TRAPPC9: variants seen among roughly 807,000 people sequenced by gnomAD.
TRAPPC9 encodes the protein trafficking protein particle complex subunit 9, also known as IKK2 binding protein.
A neutral mutation model predicts 124.0 loss-of-function variants in TRAPPC9; 83 were observed. The observed-to-expected ratio is 0.67, with a 90% CI of 0.56 to 0.80. The LOEUF is 0.80. Among genes scored for constraint, TRAPPC9 ranks in the 30% least tolerant of loss-of-function variants. The pLI is 0.00. For synonymous variants in TRAPPC9, 638 were observed against 617.5 expected, an observed-to-expected ratio of 1.03 and a Z score of -0.49; for missense variants, 1,302 against 1,508.3, an observed-to-expected ratio of 0.86 and a Z score of 2.27.
chr8:139,947,868 CA>C (rs34765655), intron 19 of TRAPPC9, among the ~76,000 whole-genome samples: 20,532 of 58,536 alleles, frequency 0.35, 3,315 homozygotes, highest in Middle Eastern at 0.52. Context: ...AATTCCGTCT[CA>C]AAAAAAAAAA....
chr8:140,060,626 ACCCATCCCTG>A (rs1473111154), intron 17 of TRAPPC9, among the ~76,000 whole-genome samples: 2 of 116,558 alleles, frequency 1.7e-5, no homozygotes, highest in African/African-American at 6.8e-5. Context: ...ACCCATCCCT[ACCCATCCCTG>A]CCCACGGGCA....
chr8:139,843,610 A>G (rs1383749352), intron 21 of TRAPPC9, among the ~76,000 whole-genome samples: 2 of 152,218 alleles, frequency 1.3e-5, no homozygotes, highest in Non-Finnish European at 2.9e-5. Context: ...CTTAAAAGTG[A>G]AAGAGAGAGG....
rs1232378174 is a variant in TRAPPC9 at position 140,072,526 on chromosome 8, AAGG to A, written c.2557-48450_2557-48448del. 3.8e-3 allele frequency among the ~76,000 whole-genome samples: 519 copies of A among 137,940 alleles called. 4 individuals are homozygous for A. The highest frequency in any genetic ancestry group is 0.028 in the East Asian group (132 of 4,712). 90.5% of individuals were successfully genotyped at this position (137,940 alleles called of 152,430 possible). A position where few individuals can be genotyped will look rare whatever the true frequency, so the allele number is the denominator to read the frequency against. On this transcript the variant is annotated intron_variant, in intron 17 of 22. Coordinates refer to ENST00000438773, the MANE Select transcript of TRAPPC9 (RefSeq NM_001160372.4). ...GAGCGAGACTCCGTCTCAAAAAAAA[AAGG>A]AGGAGGAGGAGGAGGAGGAAGAGGA... is the stretch of plus-strand genomic sequence containing the variant.
intron 17 of TRAPPC9, among the ~76,000 whole-genome samples, chr8:140,155,546 G>A (rs992126268): frequency 2.0e-4 from 30 of 152,276 alleles, no homozygotes; most frequent in African/African-American, 6.0e-4. Flanking sequence ...AGGGGAGCTC[G>A]CAGATGATCA....
At position 140,371,044 on chromosome 8, in the gene TRAPPC9, C is replaced by T; in HGVS notation, c.1271G>A (p.Gly424Glu). ...QCVAPSIAEP[G>E]WRACYKLLLE... Reference sequence around the variant, plus strand: ...GAGGAGTTTGTAGCAGGCCCTCCACCCAGGCTCCGCGATGCTTGGGGCCAC... The same window carrying T: ...GAGGAGTTTGTAGCAGGCCCTCCACTCAGGCTCCGCGATGCTTGGGGCCAC... The change falls in exon 8 of 23, where the codon GGG becomes GAG. Residue 424 changes from glycine to glutamate, a missense_variant. Physicochemically the swap from Gly to Glu is moderately conservative, Grantham distance 98. This residue lies in a region of TRAPPC9 where 657 missense variants were observed against 811.2 expected (regional missense o/e 0.81). Coordinates refer to ENST00000438773, the MANE Select transcript of TRAPPC9 (RefSeq NM_001160372.4). 6.2e-7 allele frequency: 1 copy of T among 1,614,268 alleles called. No homozygotes were observed. The highest frequency in any genetic ancestry group is 8.5e-7 in the Non-Finnish European group (1 of 1,180,050).
At chr8:139,913,340 G>A (rs1386952884) in intron 19 of TRAPPC9, among the ~76,000 whole-genome samples, 1 of 152,236 alleles carries the variant, frequency 6.6e-6, no homozygotes, top group Non-Finnish European at 1.5e-5. Flanking sequence ...GCCCAGGGAA[G>A]GCCAAGCTCT....
At chr8:140,039,789 T>C (rs901222803) in intron 17 of TRAPPC9, 5 of 152,238 alleles carry the variant, frequency 3.3e-5, no homozygotes, top group African/African-American at 1.2e-4. Flanking sequence ...TTGGGCTGTA[T>C]GAGGCACCTA....
chr8:140,003,167 C>T (rs909391333), intron 18 of TRAPPC9, among the ~76,000 whole-genome samples: 4 of 151,796 alleles, frequency 2.6e-5, no homozygotes, highest in African/African-American at 4.8e-5. Flanking sequence ...ATCAAGAAAA[C>T]GAATAACCTA....
At chr8:140,403,226 C>T (rs78688417) in intron 6 of TRAPPC9, among the ~76,000 whole-genome samples, 5 of 152,096 alleles carry the variant, frequency 3.3e-5, no homozygotes, top group Non-Finnish European at 4.4e-5. Flanking sequence ...GTCAGGAGTT[C>T]GAGACCAGCC....
intron 19 of TRAPPC9, among the ~76,000 whole-genome samples, chr8:139,982,218 G>C (rs1028259421): frequency 6.6e-6 from 1 of 152,108 alleles, no homozygotes; most frequent in African/African-American, 2.4e-5. Context: ...CACTGTTTCC[G>C]GTTGTGCATG....
At chr8:139,885,811 C>A in intron 21 of TRAPPC9, 68 bp downstream of exon 21, 1 of 1,479,382 alleles carries the variant, frequency 6.8e-7, no homozygotes, top group Non-Finnish European at 9.2e-7. Context: ...CCCCCAAGAC[C>A]TTGCTCGTGC....
intron 19 of TRAPPC9, among the ~76,000 whole-genome samples, chr8:139,927,828 T>C (rs1000596842): frequency 3.9e-5 from 6 of 152,192 alleles, no homozygotes; most frequent in African/African-American, 1.2e-4. Context: ...CTCCAAACCA[T>C]TGTGCTGAGT....
intron 11 of TRAPPC9, among the ~76,000 whole-genome samples, chr8:140,293,442 A>C (rs995616622): frequency 5.3e-5 from 8 of 152,174 alleles, no homozygotes; most frequent in Non-Finnish European, 8.8e-5. Context: ...ACTATTCACA[A>C]TAGCAAAGAC....
At chr8:140,084,198 G>C (rs554245115) in intron 17 of TRAPPC9, among the ~76,000 whole-genome samples, 2 of 152,160 alleles carry the variant, frequency 1.3e-5, no homozygotes, top group South Asian at 4.1e-4. Context: ...TGGAACCATG[G>C]TTAATTTTTT....
At chr8:139,944,637 T>C (rs1347799864) in intron 19 of TRAPPC9, among the ~76,000 whole-genome samples, 1 of 152,140 alleles carries the variant, frequency 6.6e-6, no homozygotes, top group Non-Finnish European at 1.5e-5. Flanking sequence ...AATTCATATA[T>C]AAATACATAC....
chr8:139,900,895 G>A (rs1161833127), intron 20 of TRAPPC9, among the ~76,000 whole-genome samples: 2 of 151,804 alleles, frequency 1.3e-5, no homozygotes, highest in Non-Finnish European at 2.9e-5. Flanking sequence ...CTGCCCCTGG[G>A]AAACATGAAG....
At chr8:140,371,428 T>C (rs1482863729) in intron 7 of TRAPPC9, among the ~76,000 whole-genome samples, 1 of 152,240 alleles carries the variant, frequency 6.6e-6, no homozygotes, top group Admixed American at 6.5e-5. Context: ...CAAAGGTACC[T>C]GCTACAAATC....
At chr8:140,239,811 T>A (rs2063817355) in intron 16 of TRAPPC9, among the ~76,000 whole-genome samples, 1 of 152,232 alleles carries the variant, frequency 6.6e-6, no homozygotes, top group Non-Finnish European at 1.5e-5. Flanking sequence ...AGAAATATTA[T>A]GGCATTAAGA....
At position 140,230,716 on chromosome 8, in the gene TRAPPC9, G is replaced by C. The variant is rs530635729; in HGVS notation, c.2432-9133C>G. Among the ~76,000 whole-genome samples the C allele has an allele frequency of 3.3e-5, 5 of 152,260 alleles. No individual in the cohort carries two copies. In the East Asian group the frequency reaches 9.7e-4, roughly 29 times the overall value. ...TTGAACCTGAGAGGTGGAGGTTGCA[G>C]TGAGCTGAGATCGCGCCACTGTGCA... On this transcript the variant is annotated intron_variant, in intron 16 of 22. Coordinates refer to ENST00000438773, the MANE Select transcript of TRAPPC9 (RefSeq NM_001160372.4).
Sources: allele counts gnomAD v4.1 joint callset (sites outside exome capture counted in the v4.1 genomes callset), GRCh38; gene constraint gnomAD v4.1.1; regional missense constraint gnomAD v4.1.1; transcripts MANE v1.5; gene names NCBI Gene and HGNC (gene_info 2026-07-23, HGNC 2026-07-21).